CYP4V2: variants seen among roughly 807,000 people sequenced by gnomAD.
The protein encoded by CYP4V2 is cytochrome P450 family 4 subfamily V member 2.
A neutral mutation model predicts 60.8 loss-of-function variants in CYP4V2; 55 were observed. The observed-to-expected ratio is 0.90, with a 90% CI of 0.73 to 1.13. CYP4V2 has a LOEUF of 1.13. Ranked by LOEUF, CYP4V2 falls within the 50% of genes most tolerant of loss-of-function variation. CYP4V2 has a pLI of 0.00. For missense variants in CYP4V2, 675 were observed against 662.9 expected, an observed-to-expected ratio of 1.02 and a Z score of -0.20; for synonymous variants, 239 against 236.8, an observed-to-expected ratio of 1.01 and a Z score of -0.08.
At chr4:186,206,422 T>C (rs928905049) in intron 8 of CYP4V2, among the ~76,000 whole-genome samples, 1 of 152,314 alleles carries the variant, frequency 6.6e-6, no homozygotes, top group East Asian at 1.9e-4. Context: ...CCATTATCAG[T>C]CTGCCACAAA....
At position 186,209,210 on chromosome 4, in the gene CYP4V2, A is replaced by G; in HGVS notation, c.1343A>G (p.Asn448Ser). The G allele has an allele frequency of 6.2e-7, 1 of 1,614,048 alleles. No homozygotes were observed. The change falls in exon 10 of 11, where the codon AAT (asparagine) becomes AGT (serine). Residue 448 changes from asparagine (N) to serine (S), a missense_variant. Physicochemically the swap from Asn to Ser is conservative, Grantham distance 46. Coordinates refer to ENST00000378802, the MANE Select transcript of CYP4V2 (RefSeq NM_207352.4). ...CAGCCTGAGCGGTTCTTCCCCGAGA[A>G]TGCACAAGGGCGCCATCCATATGCC... ...EFQPERFFPE[N>S]AQGRHPYAYV...
At position 186,201,216 on chromosome 4, in the gene CYP4V2, G is replaced by A; in HGVS notation, c.861G>A (p.Arg287=). ...ATGAAGACTGTAGAGGTGATGGCAG[G>A]GGCTCTGCCCCCTCCAAAAATAAAC... is the stretch of plus-strand genomic sequence containing the variant. ...NANEDCRGDG[R]GSAPSKNKRR... is the part of the protein sequence containing the mutation. The change falls in exon 7 of 11, where the codon AGG becomes AGA. Residue 287 remains arginine (R), a synonymous_variant. Coordinates refer to ENST00000378802, the MANE Select transcript of CYP4V2 (RefSeq NM_207352.4). 1 of 1,614,146 alleles carries A rather than the reference G, an allele frequency of 6.2e-7. No homozygotes were observed. Among genetic ancestry groups the A allele is most frequent in the Non-Finnish European group, 8.5e-7 (1 of 1,180,036 alleles).
chr4:186,204,638 TGTAAA>T, intron 7 of CYP4V2: 1 of 189,698 alleles, frequency 5.3e-6, no homozygotes. Context: ...ATCTCTGAAT[TGTAAA>T]GAACAGTAAT....
Position 186,192,049 on chromosome 4 carries a change from C to G in CYP4V2, c.214+12C>G. 6.4e-7 allele frequency: 1 copy of G among 1,562,322 alleles called. No individual in the cohort carries two copies. The highest frequency in any genetic ancestry group is 8.6e-7 in the Non-Finnish European group (1 of 1,159,684). On this transcript the variant is annotated intron_variant, in intron 1 of 10. Transcript: ENST00000378802. ...GCCGGACGGGCGAGGTAAGGGCCGG[C>G]GCTCCTCCTGGAGCGCAACGGGGTC...
chr4:186,205,091 G>C, intron 7 of CYP4V2, 109 bp from the exon 8 acceptor site: 1 of 1,006,234 alleles, frequency 9.9e-7, no homozygotes, highest in Non-Finnish European at 1.6e-6. Flanking sequence ...TATGTTTGCA[G>C]TCACAGTGCA....
chr4:186,199,347 T>G (rs1035146235), intron 6 of CYP4V2, among the ~76,000 whole-genome samples: 3 of 152,232 alleles, frequency 2.0e-5, no homozygotes. Flanking sequence ...AAAATTATAC[T>G]TAAGTATAAA....
chr4:186,205,868 G>A (rs1382817704), intron 8 of CYP4V2, among the ~76,000 whole-genome samples: 1 of 152,112 alleles, frequency 6.6e-6, no homozygotes, highest in Non-Finnish European at 1.5e-5. Context: ...CAAGCATCAC[G>A]TTCATCTTCA....
rs776006079 is a variant in CYP4V2, at chr4:186,197,067, A to AT, written c.543dup (p.Asn182Ter). 6.2e-7 allele frequency: 1 copy of AT among 1,613,870 alleles called. No individual in the cohort carries two copies. The highest frequency in any genetic ancestry group is 8.5e-7 in the Non-Finnish European group (1 of 1,179,988). On this transcript the variant is annotated frameshift_variant, in exon 4 of 11. Coordinates refer to ENST00000378802, the MANE Select transcript of CYP4V2 (RefSeq NM_207352.4). LOFTEE classifies it high-confidence loss of function. ...ATTGGTTAAGAAACTTGAAAAACACATTAACCAAGAAGCATTTAACTGCTT... is the reference window on the plus strand; with the variant it reads ...ATTGGTTAAGAAACTTGAAAAACACATTTAACCAAGAAGCATTTAACTGCTT...
chr4:186,210,382 T>A (rs1736671066), intron 10 of CYP4V2, 87 bp from the exon 11 acceptor site: 1 of 1,560,110 alleles, frequency 6.4e-7, no homozygotes, highest in Non-Finnish European at 8.8e-7. Context: ...AAATGTAAAG[T>A]GGCTCGCTTC....
At position 186,211,052 on chromosome 4, in the gene CYP4V2, T is replaced by C. The variant is rs975542718; in HGVS notation, c.*411T>C. The C allele has an allele frequency of 1.0e-5, 2 of 196,720 alleles. No homozygotes were observed. Among genetic ancestry groups the C allele is most frequent in the Admixed American group, 1.1e-4 (2 of 18,024 alleles). 12.2% of individuals were successfully genotyped at this position (196,720 alleles called of 1,614,324 possible). ...CAGGGTGTCACCATGTTGGCCAGAC[T>C]GGTCTCAAACTCCTGACCTCAAGTG... is the stretch of plus-strand genomic sequence containing the variant. On this transcript the variant is annotated 3_prime_UTR_variant, in exon 11 of 11. Coordinates refer to ENST00000378802, the MANE Select transcript of CYP4V2 (RefSeq NM_207352.4).
chr4:186,205,107 C>A, intron 7 of CYP4V2, 93 bp from the exon 8 acceptor site: 5 of 1,203,384 alleles, frequency 4.2e-6, no homozygotes, highest in Non-Finnish European at 6.2e-6. Context: ...GTGCAGTCAT[C>A]AAATCCAGAG....
chr4:186,200,843 A>T (rs576845784), intron 6 of CYP4V2, among the ~76,000 whole-genome samples: 2 of 151,964 alleles, frequency 1.3e-5, no homozygotes, highest in African/African-American at 4.8e-5. Context: ...ACTTTTTCTC[A>T]TTAGCGCAAT....
chr4:186,204,935 C>T (rs920562858), intron 7 of CYP4V2: 10 of 504,800 alleles, frequency 2.0e-5, no homozygotes, highest in Admixed American at 6.5e-5. Flanking sequence ...CATGGAACGC[C>T]GCCTTTATTA....
At position 186,197,004 on chromosome 4, in the gene CYP4V2, G is replaced by A; in HGVS notation, c.478G>A (p.Glu160Lys). 6.2e-7 allele frequency: 1 copy of A among 1,613,798 alleles called. No individual in the cohort carries two copies. The change falls in exon 4 of 11, where the codon GAA (glutamate) becomes AAA (lysine). Residue 160 changes from glutamate (E) to lysine (K), a missense_variant. Physicochemically the swap from Glu to Lys is moderately conservative, Grantham distance 56. Coordinates refer to ENST00000378802, the MANE Select transcript of CYP4V2 (RefSeq NM_207352.4). The part of the protein sequence containing the change: ...LTPTFHFTIL[E>K]DFLDIMNEQA... ...ACCCACTTTCCATTTTACCATTCTG[G>A]AAGATTTCTTAGATATCATGAATGA...
chr4:186,210,781 A>G lies in CYP4V2; in HGVS notation c.*140A>G. On this transcript the variant is annotated 3_prime_UTR_variant, in exon 11 of 11. Coordinates refer to ENST00000378802, the MANE Select transcript of CYP4V2 (RefSeq NM_207352.4). ...TTTCCTTGATCCCACTGATCTTGAC[A>G]TCAAGTCTAACAAAGAAAAAGTTTT... 1.0e-6 allele frequency: 1 copy of G among 962,770 alleles called. No individual in the cohort carries two copies. The highest frequency in any genetic ancestry group is 1.6e-6 in the Non-Finnish European group (1 of 644,742). The allele number at this position is 962,770 out of a possible 1,614,324, so 59.6% of individuals were successfully genotyped here. A position where few individuals can be genotyped will look rare whatever the true frequency, so the allele number is the denominator to read the frequency against.
chr4:186,205,394 G>A (rs933727449), intron 8 of CYP4V2, 92 bp downstream of exon 8: 1 of 1,275,226 alleles, frequency 7.8e-7, no homozygotes, highest in African/African-American at 1.5e-5. Flanking sequence ...GAGCAGGAAG[G>A]CTCCCCCACG....
At chr4:186,210,335 T>C in intron 10 of CYP4V2, 134 bp from the exon 11 acceptor site, 1 of 1,089,138 alleles carries the variant, frequency 9.2e-7, no homozygotes. Context: ...TTAACAGGTG[T>C]TCCAAGCCAT....
At chr4:186,207,272 G>T (rs1736538300) in intron 8 of CYP4V2, among the ~76,000 whole-genome samples, 2 of 151,870 alleles carry the variant, frequency 1.3e-5, no homozygotes, top group Non-Finnish European at 2.9e-5. Flanking sequence ...AGCCGGGCAT[G>T]GTGGCAGGTG....
chr4:186,209,099 A>G lies in CYP4V2; in HGVS notation c.1232A>G (p.Tyr411Cys). 1 of 1,614,090 alleles carries G rather than the reference A, an allele frequency of 6.2e-7. No homozygotes were observed. Among genetic ancestry groups the G allele is most frequent in the Non-Finnish European group, 8.5e-7 (1 of 1,180,004 alleles). Residue 411 changes from tyrosine (Y) to cysteine (C), a missense_variant, in exon 10 of 11, where the codon TAC becomes TGC. Transcript: ENST00000378802. ...SVSEDCEVAG[Y>C]RVLKGTEAVI... ...ATTGACTACTTCTTGACAGCAGGTTACAGAGTTCTAAAAGGCACTGAAGCC... is the reference window on the plus strand; with the variant it reads ...ATTGACTACTTCTTGACAGCAGGTTGCAGAGTTCTAAAAGGCACTGAAGCC...
Sources: gnomAD v4.1 joint callset for allele counts (sites outside exome capture counted in the v4.1 genomes callset) on GRCh38, gnomAD v4.1.1 for gene constraint, MANE v1.5 for transcripts, NCBI Gene and HGNC (gene_info 2026-07-23, HGNC 2026-07-21) for gene names.